NTM: variants seen among roughly 807,000 people sequenced by gnomAD.
The protein encoded by NTM is IgLON family member 2.
Under a neutral mutation model 42.1 loss-of-function variants are expected in NTM, and 13 were observed. The ratio of observed to expected loss-of-function variants is 0.31; its 90% CI spans 0.20 to 0.49. NTM has a LOEUF of 0.49. Ranked by LOEUF, NTM falls within the 20% of genes least tolerant of loss-of-function variation. The pLI, the probability that NTM is intolerant of heterozygous loss-of-function variation, is 0.99. For missense variants in NTM, 373 were observed against 452.8 expected (o/e 0.82, Z 1.60); for synonymous variants, 187 against 179.2 (o/e 1.04, Z -0.35).
chr11:132,040,226 A>T (rs2077012319), intron 2 of NTM, among the ~76,000 whole-genome samples: 1 of 152,170 alleles, frequency 6.6e-6, no homozygotes, highest in Non-Finnish European at 1.5e-5. Flanking sequence ...CTCCCAAAGT[A>T]GTAGGATTAC....
intron 2 of NTM, among the ~76,000 whole-genome samples, chr11:132,059,867 A>G (rs2080354190): frequency 1.3e-5 from 2 of 152,112 alleles, no homozygotes; most frequent in Non-Finnish European, 1.5e-5. Context: ...TCCATTCCTC[A>G]GCCACACACC....
intron 1 of NTM, among the ~76,000 whole-genome samples, chr11:131,521,178 G>A (rs550294339): frequency 6.6e-6 from 1 of 151,628 alleles, no homozygotes; most frequent in Admixed American, 6.6e-5. Context: ...AGCCGGGCAT[G>A]GTAGCATGTG....
intron 1 of NTM, among the ~76,000 whole-genome samples, chr11:131,491,613 A>G (rs1954801160): frequency 6.6e-6 from 1 of 152,200 alleles, no homozygotes; most frequent in Non-Finnish European, 1.5e-5. Context: ...ATGTGAACAT[A>G]TTAACTAATA....
chr11:131,768,040 A>T (rs1228121498), intron 1 of NTM, among the ~76,000 whole-genome samples: 1 of 151,192 alleles, frequency 6.6e-6, no homozygotes, highest in African/African-American at 2.4e-5. Flanking sequence ...TAAGTTTTTA[A>T]TTTTTTTATT....
chr11:131,512,794 C>T (rs929912819), intron 1 of NTM, among the ~76,000 whole-genome samples: 8 of 152,214 alleles, frequency 5.3e-5, no homozygotes, highest in South Asian at 2.1e-4. Flanking sequence ...AGATCCATGA[C>T]GAGGATGCAG....
At chr11:131,933,580 T>G (rs2134120588) in intron 2 of NTM, among the ~76,000 whole-genome samples, 1 of 152,292 alleles carries the variant, frequency 6.6e-6, no homozygotes, top group South Asian at 2.1e-4. Context: ...AACTTGAAAC[T>G]AATGGCTCTG....
At chr11:132,217,318 AG>A (rs976582251) in intron 4 of NTM, among the ~76,000 whole-genome samples, 1 of 150,470 alleles carries the variant, frequency 6.6e-6, no homozygotes, top group African/African-American at 2.5e-5. Context: ...CTTTAAATTC[AG>A]TTCCACTCTT....
chr11:131,431,553 CCT>C (rs1336136885), intron 1 of NTM, among the ~76,000 whole-genome samples: 1 of 152,180 alleles, frequency 6.6e-6, no homozygotes, highest in Non-Finnish European at 1.5e-5. Flanking sequence ...TACCTGCTTC[CCT>C]CCACAAGGAA....
At chr11:131,744,197 T>C (rs1281463713) in intron 1 of NTM, among the ~76,000 whole-genome samples, 1 of 152,212 alleles carries the variant, frequency 6.6e-6, no homozygotes, top group South Asian at 2.1e-4. Flanking sequence ...GATTAATTTG[T>C]TAGTGTTTGT....
At chr11:132,281,774 G>A (rs866925723) in intron 4 of NTM, among the ~76,000 whole-genome samples, 18 of 152,256 alleles carry the variant, frequency 1.2e-4, no homozygotes, top group Middle Eastern at 3.4e-3. Context: ...TCTAGGAAGC[G>A]TTCAGGAATA....
intron 4 of NTM, among the ~76,000 whole-genome samples, chr11:132,282,144 A>G (rs1031790154): frequency 1.3e-5 from 2 of 152,198 alleles, no homozygotes; most frequent in African/African-American, 4.8e-5. Context: ...TGAAGTCAGT[A>G]TAAAGATTTA....
intron 1 of NTM, among the ~76,000 whole-genome samples, chr11:131,422,007 A>G (rs1204506355): frequency 6.6e-6 from 1 of 152,180 alleles, no homozygotes; most frequent in Non-Finnish European, 1.5e-5. Flanking sequence ...GCCCGTGAAG[A>G]ATCCGTGGAT....
chr11:131,736,422 G>A (rs2080452170), intron 1 of NTM, among the ~76,000 whole-genome samples: 1 of 152,138 alleles, frequency 6.6e-6, no homozygotes, highest in African/African-American at 2.4e-5. Context: ...TATAGTAGGT[G>A]CCTCTAAAAA....
intron 2 of NTM, among the ~76,000 whole-genome samples, chr11:132,138,615 T>TATCTATC (rs1555280056): frequency 0.05 from 5,513 of 110,106 alleles, 129 homozygotes; most frequent in East Asian, 0.061. Flanking sequence ...TCTATCTATC[T>TATCTATC]ATCTATTCTA....
chr11:131,420,049 C>T (rs976988068), intron 1 of NTM, among the ~76,000 whole-genome samples: 4 of 152,132 alleles, frequency 2.6e-5, no homozygotes, highest in Non-Finnish European at 5.9e-5. Flanking sequence ...TGCTCAATGG[C>T]GTTTCACGAG....
intron 3 of NTM, among the ~76,000 whole-genome samples, chr11:132,195,553 A>G (rs781390359): frequency 3.3e-5 from 5 of 152,288 alleles, no homozygotes; most frequent in Non-Finnish European, 7.4e-5. Context: ...TTGACTTCAA[A>G]CTATACTACA....
chr11:131,767,345 G>T (rs78056069), intron 1 of NTM: 6,396 of 153,318 alleles, frequency 0.042, 185 homozygotes, highest in Non-Finnish European at 0.064. Flanking sequence ...ATTGCATGAG[G>T]CCAGGAGTTT....
intron 1 of NTM, among the ~76,000 whole-genome samples, chr11:131,494,242 G>C (rs1955101852): frequency 6.6e-6 from 1 of 152,154 alleles, no homozygotes; most frequent in Admixed American, 6.5e-5. Context: ...TCTAAGCTCT[G>C]TGAGGTAGCA....
chr11:131,414,864 C>T (rs1256432540), intron 1 of NTM, among the ~76,000 whole-genome samples: 2 of 152,160 alleles, frequency 1.3e-5, no homozygotes, highest in Non-Finnish European at 1.5e-5. Flanking sequence ...TTAGTCCTTC[C>T]ATTGCCAAAC....
Sources: gnomAD v4.1 joint callset for allele counts (sites outside exome capture counted in the v4.1 genomes callset) on GRCh38, gnomAD v4.1.1 for gene constraint, MANE v1.5 for transcripts, NCBI Gene and HGNC (gene_info 2026-07-23, HGNC 2026-07-21) for gene names.